ELP6: variants seen among roughly 807,000 people sequenced by gnomAD.
ELP6 encodes elongator complex protein 6.
ELP6 carries 23 observed loss-of-function variants against 28.1 expected under a neutral mutation model. That is an observed-to-expected ratio of 0.82 (90% confidence interval 0.59 to 1.16). The LOEUF (loss-of-function observed/expected upper bound fraction) is 1.16. Ranked by LOEUF, ELP6 falls within the 50% of genes most tolerant of loss-of-function variation. The pLI, the probability that ELP6 is intolerant of heterozygous loss-of-function variation, is 0.00. For missense variants in ELP6, 313 were observed against 334.6 expected, an observed-to-expected ratio of 0.94 and a Z score of 0.50; for synonymous variants, 132 against 135.8, an observed-to-expected ratio of 0.97 and a Z score of 0.19.
chr3:47,501,107 C>T (rs1708636752), intron 5 of ELP6, among the ~76,000 whole-genome samples: 1 of 152,166 alleles, frequency 6.6e-6, no homozygotes, highest in Admixed American at 6.5e-5. Context: ...GTAGTATTTA[C>T]ATCTAAATGA....
chr3:47,511,154 G>C lies in ELP6; in HGVS notation c.127C>G (p.Leu43Val). ...GCATCAATGAGTCCCATACCTTTGA[G>C]ATAGAAGGAGAGAAAGTGGTGTACA... ...FLVHHFLSFYLKANCKVCFVA... is the reference protein window; with the variant it reads ...FLVHHFLSFYVKANCKVCFVA... Residue 43 changes from leucine to valine, a missense_variant, in exon 2 of 7, where the codon CTC becomes GTC. Transcript: ENST00000296149. 5 of 1,613,776 alleles carry C rather than the reference G, an allele frequency of 3.1e-6. No individual in the cohort carries two copies. Among genetic ancestry groups the C allele is most frequent in the Non-Finnish European group, 4.2e-6 (5 of 1,179,724 alleles).
intron 1 of ELP6, chr3:47,512,867 C>G (rs375263335): frequency 3.0e-6 from 3 of 984,486 alleles, no homozygotes; most frequent in African/African-American, 1.7e-5. Context: ...CCTCTCCTCT[C>G]GGGCCTATTC....
rs549839682 is a variant in ELP6, at chr3:47,513,668, A to C, written c.-78T>G. 4 of 1,567,464 alleles carry C rather than the reference A, an allele frequency of 2.6e-6. No homozygotes were observed. The highest frequency in any genetic ancestry group is 1.1e-5 in the South Asian group (1 of 88,546). On this transcript the variant is annotated 5_prime_UTR_variant, in exon 1 of 7. Coordinates refer to ENST00000296149, the MANE Select transcript of ELP6 (RefSeq NM_001031703.3). Reference sequence around the variant, plus strand: ...CGACGGAGGCTGGAGAGCAAAACACACCCGACAGCCCGGCTCGCGCAAGGA... The same window carrying C: ...CGACGGAGGCTGGAGAGCAAAACACCCCCGACAGCCCGGCTCGCGCAAGGA...
At chr3:47,513,260 G>T in intron 1 of ELP6, 1 of 1,295,226 alleles carries the variant, frequency 7.7e-7, no homozygotes, top group Non-Finnish European at 9.8e-7. Context: ...CCAAACTGCT[G>T]GGATTACAGG....
At chr3:47,497,088 C>T (rs1452838024) in intron 6 of ELP6, 1 of 978,518 alleles carries the variant, frequency 1.0e-6, no homozygotes, top group Non-Finnish European at 1.2e-6. Flanking sequence ...GACTCCTAGC[C>T]ACTCTTATTG....
At chr3:47,497,035 C>G (rs1020402578) in intron 6 of ELP6, 5 of 984,356 alleles carry the variant, frequency 5.1e-6, no homozygotes, top group Non-Finnish European at 6.0e-6. Context: ...GCTTGGTCCT[C>G]TGTGTGACCT....
intron 5 of ELP6, chr3:47,500,205 C>A: frequency 9.1e-7 from 1 of 1,102,596 alleles, no homozygotes; most frequent in Non-Finnish European, 1.1e-6. Context: ...ACAAAATATA[C>A]CGTGTATTAA....
At chr3:47,512,517 C>T in intron 1 of ELP6, 1 of 808,712 alleles carries the variant, frequency 1.2e-6, no homozygotes, top group Non-Finnish European at 1.5e-6. Flanking sequence ...CGCCAGTGCA[C>T]TCCAGCCCAG....
At chr3:47,498,241 A>G (rs1370026460) in intron 6 of ELP6, 45 bp downstream of exon 6, 1 of 1,607,648 alleles carries the variant, frequency 6.2e-7, no homozygotes, top group East Asian at 2.2e-5. Context: ...CAAGAATCAC[A>G]GGTACACGGG....
At chr3:47,513,358 T>C (rs1559596885) in intron 1 of ELP6, 179 bp downstream of exon 1, 22 of 1,406,842 alleles carry the variant, frequency 1.6e-5, no homozygotes, top group Non-Finnish European at 2.0e-5. Flanking sequence ...AGAAGCCCAC[T>C]TTCGGCGGGC....
intron 4 of ELP6, 32 bp from the exon 5 acceptor site, chr3:47,501,883 C>T (rs770162147): frequency 6.3e-6 from 10 of 1,591,198 alleles, no homozygotes; most frequent in Non-Finnish European, 8.6e-6. Context: ...TACCAGACTT[C>T]ACTCTCTCTA....
At chr3:47,497,274 C>A (rs1708504226) in intron 6 of ELP6, 2 of 985,256 alleles carry the variant, frequency 2.0e-6, no homozygotes, top group African/African-American at 3.5e-5. Flanking sequence ...TCCAATTGTT[C>A]TGGTGAGTGG....
At position 47,496,106 on chromosome 3, in the gene ELP6, GA is replaced by G; in HGVS notation, c.763del (p.Ser255ProfsTer31). ...AGGAGACATTCCTTTGGCAAAAAAGGACACGCTTTTGTCCTGTATCTTATAC... is the reference window on the plus strand; with the variant it reads ...AGGAGACATTCCTTTGGCAAAAAAGGCACGCTTTTGTCCTGTATCTTATAC... ...YQYKIQDKSVSFFAKGMSPAV... is the reference protein window; with the variant it reads ...YQYKIQDKSVXFFAKGMSPAV... On this transcript the variant is annotated frameshift_variant, in exon 7 of 7. Coordinates refer to ENST00000296149, the MANE Select transcript of ELP6 (RefSeq NM_001031703.3). LOFTEE classifies it high-confidence loss of function. 6.2e-7 allele frequency: 1 copy of G among 1,614,164 alleles called. No individual in the cohort carries two copies. The highest frequency in any genetic ancestry group is 8.5e-7 in the Non-Finnish European group (1 of 1,180,036).
At chr3:47,498,152 C>G (rs989739423) in intron 6 of ELP6, 134 bp downstream of exon 6, 2 of 1,415,166 alleles carry the variant, frequency 1.4e-6, no homozygotes, top group Non-Finnish European at 9.6e-7. Context: ...TGAAGTCTCA[C>G]AATTTCCAGT....
intron 6 of ELP6, chr3:47,497,009 C>T (rs1010327317): frequency 2.0e-6 from 2 of 985,160 alleles, no homozygotes; most frequent in Non-Finnish European, 2.4e-6. Context: ...CAGCACTACA[C>T]ACATAGTACT....
At chr3:47,513,281 C>A in intron 1 of ELP6, 2 of 1,333,752 alleles carry the variant, frequency 1.5e-6, no homozygotes, top group Non-Finnish European at 1.9e-6. Flanking sequence ...GGTGAGCCAC[C>A]GCGCCCGGCC....
chr3:47,513,712 CA>C, upstream of ELP6: 1 of 1,277,516 alleles, frequency 7.8e-7, no homozygotes, highest in Non-Finnish European at 1.1e-6. Flanking sequence ...TGCGCAATGC[CA>C]CTTTTGCGAG....
intron 5 of ELP6, among the ~76,000 whole-genome samples, chr3:47,500,918 T>C (rs919461353): frequency 2.0e-5 from 3 of 152,240 alleles, no homozygotes; most frequent in African/African-American, 4.8e-5. Context: ...TCCTGCCAGC[T>C]ACACCATCAC....
In ELP6 at chr3:47,510,210, G is replaced by A; in HGVS notation, c.178C>T (p.His60Tyr). 1 of 1,613,986 alleles carries A rather than the reference G, an allele frequency of 6.2e-7. No homozygotes were observed. Among genetic ancestry groups the A allele is most frequent in the Non-Finnish European group, 8.5e-7 (1 of 1,179,876 alleles). Reference sequence around the variant, plus strand: ...AGCTTCTGTCCCACGATACTGTAGTGGCTGAAGGACTGGATGAGTGCCACA... The same window carrying A: ...AGCTTCTGTCCCACGATACTGTAGTAGCTGAAGGACTGGATGAGTGCCACA... ...CFVALIQSFS[H>Y]YSIVGQKLGV... Residue 60 changes from histidine to tyrosine, a missense_variant, in exon 3 of 7, where the codon CAC (histidine) becomes TAC (tyrosine). Coordinates refer to ENST00000296149, the MANE Select transcript of ELP6 (RefSeq NM_001031703.3).
Sources: gnomAD v4.1 joint callset for allele counts (sites outside exome capture counted in the v4.1 genomes callset) on GRCh38, gnomAD v4.1.1 for gene constraint, MANE v1.5 for transcripts, NCBI Gene and HGNC (gene_info 2026-07-23, HGNC 2026-07-21) for gene names.